The following CKM variants were observed in gnomAD, a reference collection of about 807,000 sequenced individuals.
CKM encodes the protein creatine kinase, M-type.
In CKM, 28 loss-of-function variants were observed where a neutral mutation model predicts 35.4. The ratio of observed to expected loss-of-function variants is 0.79; its 90% CI spans 0.59 to 1.08. CKM has a LOEUF of 1.08. CKM is among the 50% of genes least tolerant of loss of function. The pLI is 0.00. For missense variants in CKM, 484 were observed against 509.8 expected (o/e 0.95, Z 0.49); for synonymous variants, 215 against 204.4 (o/e 1.05, Z -0.44).
At chr19:45,312,704 A>G (rs955558093) in intron 4 of CKM, among the ~76,000 whole-genome samples, 5 of 152,120 alleles carry the variant, frequency 3.3e-5, no homozygotes, top group African/African-American at 9.7e-5. Context: ...CTATAATCCC[A>G]GCACTTTGGG....
At chr19:45,322,158 G>GC (rs1439714205) in intron 1 of CKM, among the ~76,000 whole-genome samples, 1 of 151,560 alleles carries the variant, frequency 6.6e-6, no homozygotes, top group Non-Finnish European at 1.5e-5. Context: ...TTCAGAGGAT[G>GC]CCCCCCTAAT....
At chr19:45,321,240 G>A (rs555490293) in intron 1 of CKM, among the ~76,000 whole-genome samples, 154 of 152,040 alleles carry the variant, frequency 1.0e-3, no homozygotes, top group African/African-American at 3.6e-3. Flanking sequence ...CGAGGAGCTG[G>A]TGAGAAGGTG....
intron 5 of CKM, 119 bp from the exon 6 acceptor site, chr19:45,308,651 G>T: frequency 7.6e-7 from 1 of 1,317,186 alleles, no homozygotes; most frequent in Non-Finnish European, 1.1e-6. Context: ...GGTGGGAGGT[G>T]GGTGGCATCT....
In CKM at chr19:45,306,760, G is replaced by A; in HGVS notation, c.1136C>T (p.Ala379Val). 1 of 1,614,132 alleles carries A rather than the reference G, an allele frequency of 6.2e-7. No homozygotes were observed. The highest frequency in any genetic ancestry group is 1.3e-5 in the African/African-American group (1 of 75,048). Reference protein sequence around the residue: ...KGQSIDDMIPAQK With the variant: ...KGQSIDDMIPVQK ...CAGGTGGGCAGGCGCCTACTTCTGG[G>A]CGGGGATCATGTCGTCAATGGACTG... Residue 379 changes from alanine (A) to valine (V), a missense_variant, in exon 8 of 8, where the codon GCC becomes GTC. Coordinates refer to ENST00000221476, the MANE Select transcript of CKM (RefSeq NM_001824.5). The surrounding 1 kb of genome is among the most constrained non-coding windows in gnomAD (Gnocchi z 4.5).
intron 1 of CKM, 104 bp downstream of exon 1, chr19:45,322,717 G>T: frequency 1.5e-6 from 1 of 688,800 alleles, no homozygotes; most frequent in Non-Finnish European, 1.8e-6. Flanking sequence ...GAGGATGTTG[G>T]TGGAGCAAGG....
At chr19:45,307,694 C>T in intron 6 of CKM, 44 bp from the exon 7 acceptor site, 4 of 1,545,046 alleles carry the variant, frequency 2.6e-6, no homozygotes, top group Non-Finnish European at 3.6e-6. Flanking sequence ...CGGCAGGCAC[C>T]CCCAAATGCA....
At chr19:45,322,557 C>G (rs1306633195) in intron 1 of CKM, among the ~76,000 whole-genome samples, 1 of 152,142 alleles carries the variant, frequency 6.6e-6, no homozygotes, top group Non-Finnish European at 1.5e-5. Context: ...CTGTCAGGAC[C>G]CCTTTCATCT....
intron 3 of CKM, among the ~76,000 whole-genome samples, chr19:45,316,364 A>G (rs1234213156): frequency 2.7e-5 from 4 of 149,352 alleles, no homozygotes; most frequent in African/African-American, 7.4e-5. Flanking sequence ...GGGTGTCACT[A>G]TGTTGCCCAG....
rs181910113 is a variant in CKM at position 45,310,744 on chromosome 19, C to A, written c.653+1005G>T. The stretch of plus-strand genomic sequence containing the variant: ...TCGAGTAGCTGGGACCACAGGTATA[C>A]GCCATCACGCCTGGCTTTTTTTTTT... On this transcript the variant is annotated intron_variant, in intron 5 of 7. Transcript: ENST00000221476. Among the ~76,000 whole-genome samples, 33 of 140,504 alleles carry A rather than the reference C, an allele frequency of 2.3e-4. No homozygotes were observed. In the East Asian group the frequency reaches 5.8e-3, roughly 25 times the overall value. 92.2% of individuals were successfully genotyped at this position (140,504 alleles called of 152,430 possible).
intron 1 of CKM, among the ~76,000 whole-genome samples, chr19:45,319,990 C>T (rs1411496406): frequency 2.0e-5 from 3 of 151,860 alleles, no homozygotes; most frequent in Non-Finnish European, 4.4e-5. Flanking sequence ...GGGGTTTCAC[C>T]ATGTTAGCCA....
rs759109165 is a variant in CKM at position 45,315,465 on chromosome 19, C to T, written c.481G>A (p.Ala161Thr). Reference protein sequence around the residue: ...RRAVEKLSVEALNSLTGEFKG... With the variant: ...RRAVEKLSVETLNSLTGEFKG... ...CAGTGGACGGGGTAGGGGCGCTCAC[C>T]TTCCACAGAGAGCTTCTCCACCGCC... is the stretch of plus-strand genomic sequence containing the variant. The change falls in exon 4 of 8, where the codon GCT becomes ACT. Residue 161 changes from alanine to threonine, a missense_variant and splice_region_variant. Coordinates refer to ENST00000221476, the MANE Select transcript of CKM (RefSeq NM_001824.5). 6.3e-7 allele frequency: 1 copy of T among 1,598,876 alleles called. No individual in the cohort carries two copies. Among genetic ancestry groups the T allele is most frequent in the Non-Finnish European group, 8.5e-7 (1 of 1,179,540 alleles).
chr19:45,313,293 A>G (rs369531798), intron 4 of CKM, among the ~76,000 whole-genome samples: 21 of 152,120 alleles, frequency 1.4e-4, no homozygotes, highest in Admixed American at 1.4e-3. Flanking sequence ...GCGATCCGTG[A>G]TCAGTGATCT....
At chr19:45,309,599 C>G (rs1396813535) in intron 5 of CKM, among the ~76,000 whole-genome samples, 1 of 141,848 alleles carries the variant, frequency 7.0e-6, no homozygotes, top group Middle Eastern at 4.5e-3. Context: ...TGGTGGCTCA[C>G]GCTTGTAATC....
chr19:45,311,880 G>T lies in CKM; in HGVS notation c.522C>A (p.Tyr174Ter). The T allele has an allele frequency of 1.2e-6, 2 of 1,614,072 alleles. No individual in the cohort carries two copies. The highest frequency in any genetic ancestry group is 1.7e-6 in the Non-Finnish European group (2 of 1,179,970). Residue 174 changes from tyrosine to a stop codon, truncating the protein, a stop_gained, in exon 5 of 8, where the codon TAC (tyrosine) becomes TAA (stop). Coordinates refer to ENST00000221476, the MANE Select transcript of CKM (RefSeq NM_001824.5). LOFTEE classifies it high-confidence loss of function. ...CCTTCTCCGTCATGCTCTTCAGAGGGTAGTACTTCCCTTTGAACTCGCCCG... is the reference window on the plus strand; with the variant it reads ...CCTTCTCCGTCATGCTCTTCAGAGGTTAGTACTTCCCTTTGAACTCGCCCG... Reference protein sequence around the residue: ...SLTGEFKGKYYPLKSMTEKEQ... With the variant: ...SLTGEFKGKY
chr19:45,308,234 G>A (rs1413646246), intron 6 of CKM, among the ~76,000 whole-genome samples, 175 bp downstream of exon 6: 1 of 150,018 alleles, frequency 6.7e-6, no homozygotes, highest in South Asian at 2.1e-4. Context: ...CTGAAAAGCG[G>A]GTGGGGCTAG....
At position 45,306,761 on chromosome 19, in the gene CKM, C is replaced by T. The variant is rs1345229467; in HGVS notation, c.1135G>A (p.Ala379Thr). ...AGGTGGGCAGGCGCCTACTTCTGGGCGGGGATCATGTCGTCAATGGACTGG... is the reference window on the plus strand; with the variant it reads ...AGGTGGGCAGGCGCCTACTTCTGGGTGGGGATCATGTCGTCAATGGACTGG... Reference protein sequence around the residue: ...KGQSIDDMIPAQK With the variant: ...KGQSIDDMIPTQK The change falls in exon 8 of 8, where the codon GCC becomes ACC. Residue 379 changes from alanine to threonine, a missense_variant. Coordinates refer to ENST00000221476, the MANE Select transcript of CKM (RefSeq NM_001824.5). The surrounding 1 kb of genome is among the most constrained non-coding windows in gnomAD (Gnocchi z 4.5). 1 of 1,614,112 alleles carries T rather than the reference C, an allele frequency of 6.2e-7. No individual in the cohort carries two copies. Among genetic ancestry groups the T allele is most frequent in the South Asian group, 1.1e-5 (1 of 91,082 alleles).
chr19:45,312,817 G>A (rs1183991759), intron 4 of CKM, among the ~76,000 whole-genome samples: 5 of 151,940 alleles, frequency 3.3e-5, no homozygotes, highest in Admixed American at 1.3e-4. Context: ...AGTCGGCCAT[G>A]GTGGCACACG....
Position 45,306,720 on chromosome 19 carries a change from T to G in CKM, c.*30A>C. The G allele has an allele frequency of 6.2e-7, 1 of 1,612,912 alleles. No homozygotes were observed. The highest frequency in any genetic ancestry group is 8.5e-7 in the Non-Finnish European group (1 of 1,179,472). ...GGCCAGGCCCTCCCACTGGCTGGGT[T>G]CCAGCAGTCGGTGGCAGGTGGGCAG... On this transcript the variant is annotated 3_prime_UTR_variant, in exon 8 of 8. Transcript: ENST00000221476. The surrounding 1 kb of genome is among the most constrained non-coding windows in gnomAD (Gnocchi z 4.5).
intron 4 of CKM, among the ~76,000 whole-genome samples, chr19:45,313,439 C>T (rs1252570197): frequency 6.6e-6 from 1 of 152,176 alleles, no homozygotes; most frequent in Non-Finnish European, 1.5e-5. Context: ...CTCCTTGAGC[C>T]TCCGTATTCC....
Sources: allele counts gnomAD v4.1 joint callset (sites outside exome capture counted in the v4.1 genomes callset), GRCh38; gene constraint gnomAD v4.1.1; non-coding constraint Gnocchi (gnomAD v3.1); transcripts MANE v1.5; gene names NCBI Gene and HGNC (gene_info 2026-07-23, HGNC 2026-07-21).